The following METTL25 variants were observed in gnomAD, a reference collection of about 807,000 sequenced individuals.
METTL25 encodes the protein probable methyltransferase-like protein 25.
In METTL25, 64 loss-of-function variants were observed where a neutral mutation model predicts 71.6. That is an observed-to-expected ratio of 0.89 (90% CI 0.73 to 1.10). METTL25 has a LOEUF of 1.10. Ranked by LOEUF, METTL25 falls within the 50% of genes least tolerant of loss-of-function variation. METTL25 has a pLI of 0.00. For missense variants in METTL25, 807 were observed against 707.0 expected (o/e 1.14, Z -1.60); for synonymous variants, 287 against 250.3 (o/e 1.15, Z -1.38).
At chr12:82,386,415 C>T (rs952661207) in intron 1 of METTL25, among the ~76,000 whole-genome samples, 1 of 150,950 alleles carries the variant, frequency 6.6e-6, no homozygotes, top group African/African-American at 2.4e-5. Flanking sequence ...TTTAACCAAC[C>T]TACCTTCCTT....
At chr12:82,457,224 A>G (rs145849369) in intron 9 of METTL25, among the ~76,000 whole-genome samples, 44 of 152,082 alleles carry the variant, frequency 2.9e-4, no homozygotes, top group Non-Finnish European at 5.0e-4. Flanking sequence ...GAGAATCTTG[A>G]AAAGTTGTAA....
chr12:82,401,027 C>A lies in METTL25; in HGVS notation c.1131+1633C>A, dbSNP rs185114258. 4.9e-3 allele frequency among the ~76,000 whole-genome samples: 747 copies of A among 152,154 alleles called. 2 individuals carry two copies. Among genetic ancestry groups the A allele is most frequent in the Admixed American group, 1.0e-2 (152 of 15,276 alleles). On this transcript the variant is annotated intron_variant, in intron 4 of 11. Coordinates refer to ENST00000248306, the MANE Select transcript of METTL25 (RefSeq NM_032230.3). ...CTGAATTATTTTTTACTGATGACATCATAATCTCTAAATAAAACCTATCTA... is the reference window on the plus strand; with the variant it reads ...CTGAATTATTTTTTACTGATGACATAATAATCTCTAAATAAAACCTATCTA...
In METTL25 at chr12:82,386,950, A is replaced by G; in HGVS notation, c.407A>G (p.Asn136Ser). 1 of 1,612,754 alleles carries G rather than the reference A, an allele frequency of 6.2e-7. No homozygotes were observed. Among genetic ancestry groups the G allele is most frequent in the Non-Finnish European group, 8.5e-7 (1 of 1,179,256 alleles). Residue 136 changes from asparagine (N) to serine (S), a missense_variant, in exon 2 of 12, where the codon AAT (asparagine) becomes AGT (serine). Physicochemically the swap from Asn to Ser is conservative, Grantham distance 46 (BLOSUM62 1). Coordinates refer to ENST00000248306, the MANE Select transcript of METTL25 (RefSeq NM_032230.3). ...CAGTTGCTTGTAGCCCTTCGAGGAAATCAAAACCAGAGAATTGGTATGTCT... is the reference window on the plus strand; with the variant it reads ...CAGTTGCTTGTAGCCCTTCGAGGAAGTCAAAACCAGAGAATTGGTATGTCT... ...FEQLLVALRG[N>S]QNQRIGENQK...
At chr12:82,459,455 C>A (rs1201978402) in intron 9 of METTL25, among the ~76,000 whole-genome samples, 3 of 151,958 alleles carry the variant, frequency 2.0e-5, no homozygotes, top group African/African-American at 7.3e-5. Context: ...TGGTAAGATT[C>A]CATCTCAGCA....
At chr12:82,408,369 C>T (rs1042765789) in intron 5 of METTL25, among the ~76,000 whole-genome samples, 7 of 151,628 alleles carry the variant, frequency 4.6e-5, no homozygotes, top group Admixed American at 4.6e-4. Context: ...GTAACTAGAC[C>T]AAAACAAAGT....
At chr12:82,411,123 A>G (rs1291497288) in intron 5 of METTL25, among the ~76,000 whole-genome samples, 1 of 152,094 alleles carries the variant, frequency 6.6e-6, no homozygotes, top group Non-Finnish European at 1.5e-5. Context: ...TATCTAGTCA[A>G]TATATACAAG....
At chr12:82,469,218 C>T (rs1892425980) in intron 9 of METTL25, among the ~76,000 whole-genome samples, 1 of 152,122 alleles carries the variant, frequency 6.6e-6, no homozygotes, top group African/African-American at 2.4e-5. Flanking sequence ...TAAAGTATTT[C>T]TACATCATCT....
intron 5 of METTL25, among the ~76,000 whole-genome samples, chr12:82,430,372 C>G (rs1049717354): frequency 2.0e-5 from 3 of 151,212 alleles, no homozygotes; most frequent in African/African-American, 7.3e-5. Context: ...ATATTACAGT[C>G]TGTTAGTATA....
chr12:82,448,181 C>A (rs1176074696), intron 8 of METTL25, among the ~76,000 whole-genome samples: 1 of 151,984 alleles, frequency 6.6e-6, no homozygotes, highest in Non-Finnish European at 1.5e-5. Flanking sequence ...TTTCCATTTT[C>A]TTTATTTTTC....
At chr12:82,391,594 T>A (rs1885590351) in intron 3 of METTL25, among the ~76,000 whole-genome samples, 1 of 152,002 alleles carries the variant, frequency 6.6e-6, no homozygotes, top group East Asian at 1.9e-4. Flanking sequence ...CTTTTCATTG[T>A]GCATATATAC....
chr12:82,467,622 C>G (rs1892316268), intron 9 of METTL25, among the ~76,000 whole-genome samples: 1 of 151,934 alleles, frequency 6.6e-6, no homozygotes, highest in South Asian at 2.1e-4. Flanking sequence ...TCTTTCCTGT[C>G]CTATAAGCTT....
At chr12:82,439,744 C>G (rs371231122) in intron 8 of METTL25, 4 of 319,822 alleles carry the variant, frequency 1.3e-5, no homozygotes, top group Non-Finnish European at 1.8e-5. Context: ...AAAACTAGTT[C>G]CTTCTCTTAT....
chr12:82,388,789 A>G (rs899101185), intron 2 of METTL25: 2 of 152,082 alleles, frequency 1.3e-5, no homozygotes, highest in African/African-American at 4.8e-5. Context: ...TAATCAGCAT[A>G]TTTGTTTACT....
chr12:82,361,492 C>A (rs899721085), intron 1 of METTL25, among the ~76,000 whole-genome samples: 2 of 152,132 alleles, frequency 1.3e-5, no homozygotes, highest in Non-Finnish European at 2.9e-5. Flanking sequence ...GAGGCTTGGG[C>A]TACGCAGGAG....
At chr12:82,465,710 A>C (rs548192424) in intron 9 of METTL25, among the ~76,000 whole-genome samples, 1 of 152,010 alleles carries the variant, frequency 6.6e-6, no homozygotes, top group African/African-American at 2.4e-5. Flanking sequence ...AGTAGAACTC[A>C]TCTATGAAGC....
At chr12:82,400,045 T>A (rs2137010135) in intron 4 of METTL25, among the ~76,000 whole-genome samples, 1 of 152,106 alleles carries the variant, frequency 6.6e-6, no homozygotes, top group African/African-American at 2.4e-5. Context: ...ATAAATAGGC[T>A]GAGTGCCGTG....
At position 82,386,891 on chromosome 12, in the gene METTL25, T is replaced by C. The variant is rs765259068; in HGVS notation, c.348T>C (p.Ser116=). The C allele has an allele frequency of 7.6e-5, 122 of 1,613,434 alleles. No individual in the cohort carries two copies. The Admixed American group carries it at 2.0e-3, about 26-fold the overall frequency. ...TTGCTCTGGCTGCGAAATACTATTC[T>C]GTACAAAACTTGGGAATATGTACTC... is the stretch of plus-strand genomic sequence containing the variant. ...EAFALAAKYY[S]VQNLGICTPF... is the part of the protein sequence containing the mutation. The change falls in exon 2 of 12, where the codon TCT becomes TCC. Residue 116 remains serine (S), a synonymous_variant. Transcript: ENST00000248306.
chr12:82,380,095 A>G (rs1361526020), intron 1 of METTL25, among the ~76,000 whole-genome samples: 2 of 152,186 alleles, frequency 1.3e-5, no homozygotes, highest in Non-Finnish European at 1.5e-5. Context: ...TAATGGTTTA[A>G]GGGTTGCCTA....
At chr12:82,444,920 T>A (rs1890631718) in intron 8 of METTL25, among the ~76,000 whole-genome samples, 1 of 152,100 alleles carries the variant, frequency 6.6e-6, no homozygotes, top group Non-Finnish European at 1.5e-5. Context: ...TATTGCTATA[T>A]ACAGTTACCC....
Sources: gnomAD v4.1 joint callset for allele counts (sites outside exome capture counted in the v4.1 genomes callset) on GRCh38, gnomAD v4.1.1 for gene constraint, MANE v1.5 for transcripts, NCBI Gene and HGNC (gene_info 2026-07-23, HGNC 2026-07-21) for gene names.